TRIM66: variants seen among roughly 807,000 people sequenced by gnomAD.
The protein encoded by TRIM66 is tripartite motif-containing protein 66.
TRIM66 carries 99 observed loss-of-function variants against 148.2 expected under a neutral mutation model. The observed-to-expected ratio is 0.67, with a 90% CI of 0.57 to 0.79. TRIM66 has a LOEUF of 0.79. Ranked by LOEUF, TRIM66 falls within the 30% of genes least tolerant of loss-of-function variation. The probability of loss-of-function intolerance (pLI) is 0.00; values close to 1 mark genes in which losing one functional copy is unlikely to be tolerated. For missense variants in TRIM66, 1,666 were observed against 1,697.9 expected (o/e 0.98, Z 0.33); for synonymous variants, 616 against 635.9 (o/e 0.97, Z 0.47).
At chr11:8,662,636 A>C (rs2038338207) in intron 6 of TRIM66, among the ~76,000 whole-genome samples, 1 of 152,234 alleles carries the variant, frequency 6.6e-6, no homozygotes, top group African/African-American at 2.4e-5. Context: ...TTCCAGCTAC[A>C]TCCTCAACTT....
At chr11:8,664,241 AATAC>A (rs2038444660) in intron 6 of TRIM66, among the ~76,000 whole-genome samples, 1 of 152,232 alleles carries the variant, frequency 6.6e-6, no homozygotes, top group African/African-American at 2.4e-5. Context: ...GTACACTGTA[AATAC>A]ATACAGTTTT....
At chr11:8,667,562 TAAC>T (rs1379294751) in intron 6 of TRIM66, among the ~76,000 whole-genome samples, 1 of 152,164 alleles carries the variant, frequency 6.6e-6, no homozygotes, top group African/African-American at 2.4e-5. Context: ...ACCCATCAAA[TAAC>T]AACTCACCAT....
chr11:8,649,631 A>T (rs2037177092), intron 8 of TRIM66, 109 bp downstream of exon 8: 3 of 1,415,498 alleles, frequency 2.1e-6, no homozygotes, highest in Non-Finnish European at 1.9e-6. Flanking sequence ...GACTGTCCCT[A>T]CCTTCTCCCC....
At position 8,621,252 on chromosome 11, in the gene TRIM66, A is replaced by C; in HGVS notation, c.3325T>G (p.Ser1109Ala). Residue 1109 changes from serine to alanine, a missense_variant, in exon 20 of 25, where the codon TCT becomes GCT. By Grantham distance (99) the Ser-to-Ala change is moderately conservative (BLOSUM62 1). Coordinates refer to ENST00000646038, the MANE Select transcript of TRIM66 (RefSeq NM_001388022.1). ...GLEGRKVTVT[S>A]LAGQRPPEVE... Reference sequence around the variant, plus strand: ...TCTGGTGGCCGCTGCCCAGCCAAAGAAGTGACAGTGACCTTTCTTCCCTCC... The same window carrying C: ...TCTGGTGGCCGCTGCCCAGCCAAAGCAGTGACAGTGACCTTTCTTCCCTCC... The C allele has an allele frequency of 6.4e-7, 1 of 1,551,682 alleles. No individual in the cohort carries two copies. The highest frequency in any genetic ancestry group is 8.7e-7 in the Non-Finnish European group (1 of 1,146,982).
chr11:8,623,025 T>C (rs1395697934), intron 17 of TRIM66, 149 bp from the exon 18 acceptor site: 8 of 668,164 alleles, frequency 1.2e-5, no homozygotes, highest in Admixed American at 5.4e-5. Context: ...TCATACATAG[T>C]GGTGACAAGT....
chr11:8,673,817 A>G (rs1302424099), intron 4 of TRIM66, among the ~76,000 whole-genome samples: 1 of 152,252 alleles, frequency 6.6e-6, no homozygotes, highest in Non-Finnish European at 1.5e-5. Context: ...TTAAGAAACA[A>G]AATACAAATC....
At chr11:8,628,325 G>C (rs1372823139) in intron 15 of TRIM66, among the ~76,000 whole-genome samples, 1 of 151,886 alleles carries the variant, frequency 6.6e-6, no homozygotes, top group Non-Finnish European at 1.5e-5. Context: ...TTTAGATCCA[G>C]ATCTTGGTTG....
rs1380502857 is a variant in TRIM66 at position 8,620,096 on chromosome 11, C to T, written c.3701G>A (p.Cys1234Tyr). The T allele has an allele frequency of 8.4e-6, 13 of 1,551,716 alleles. No individual in the cohort carries two copies. Among genetic ancestry groups the T allele is most frequent in the Non-Finnish European group, 1.1e-5 (13 of 1,146,990 alleles). The change falls in exon 22 of 25, where the codon TGC (cysteine) becomes TAC (tyrosine). Residue 1234 changes from cysteine (C) to tyrosine (Y), a missense_variant. This residue lies in a region of TRIM66 where 204 missense variants were observed against 231.0 expected (regional missense o/e 0.88). Transcript: ENST00000646038. ...KKCEKLVLSL[C>Y]CNNLSLPFHE... Reference sequence around the variant, plus strand: ...GAAGGGCAGGCTGAGGTTATTGCAGCACAAGGACAATACCAGCTTCTCACA... The same window carrying T: ...GAAGGGCAGGCTGAGGTTATTGCAGTACAAGGACAATACCAGCTTCTCACA...
At chr11:8,673,145 G>A (rs940327991) in intron 4 of TRIM66, among the ~76,000 whole-genome samples, 1 of 144,082 alleles carries the variant, frequency 6.9e-6, no homozygotes, top group Admixed American at 7.0e-5. Context: ...TTTCACCGTG[G>A]TCTCGATCTC....
At chr11:8,643,410 G>C (rs1225215329) in intron 12 of TRIM66, among the ~76,000 whole-genome samples, 1 of 150,948 alleles carries the variant, frequency 6.6e-6, no homozygotes, top group Non-Finnish European at 1.5e-5. Context: ...CGCGATCTTA[G>C]CTCACTGCAA....
intron 1 of TRIM66, chr11:8,680,724 A>G (rs1277603472): frequency 6.6e-6 from 1 of 152,162 alleles, no homozygotes; most frequent in Non-Finnish European, 1.5e-5. Flanking sequence ...GAGCTCAGCA[A>G]TAAGGATGTG....
chr11:8,623,915 C>T (rs1176667017), intron 17 of TRIM66, among the ~76,000 whole-genome samples: 2 of 152,096 alleles, frequency 1.3e-5, no homozygotes, highest in East Asian at 1.9e-4. Context: ...TGCGATTGGC[C>T]CCATTTAGAG....
At chr11:8,622,365 C>CACACACACACACACACACACATATAT in intron 18 of TRIM66, among the ~76,000 whole-genome samples, 5 of 59,574 alleles carry the variant, frequency 8.4e-5, no homozygotes, top group African/African-American at 2.8e-4. Context: ...CACACACACA[C>CACACACACACACACACACACATATAT]ATATATATAT....
chr11:8,647,284 T>C (rs2036950768), intron 10 of TRIM66, among the ~76,000 whole-genome samples: 1 of 152,178 alleles, frequency 6.6e-6, no homozygotes, highest in South Asian at 2.1e-4. Context: ...TCAGTAAAGC[T>C]ATTTTTAAAA....
chr11:8,646,612 G>A, intron 10 of TRIM66, 51 bp from the exon 11 acceptor site: 1 of 1,427,770 alleles, frequency 7.0e-7, no homozygotes, highest in Non-Finnish European at 9.7e-7. Context: ...TGGACTATAT[G>A]AAGACGAAGA....
chr11:8,652,142 C>T (rs965799703), intron 6 of TRIM66, among the ~76,000 whole-genome samples: 3 of 152,162 alleles, frequency 2.0e-5, no homozygotes, highest in African/African-American at 7.2e-5. Context: ...TTTACCTGGT[C>T]CTACCTTCCT....
chr11:8,648,754 T>C (rs2037087809), intron 8 of TRIM66, among the ~76,000 whole-genome samples: 1 of 152,150 alleles, frequency 6.6e-6, no homozygotes, highest in Admixed American at 6.5e-5. Flanking sequence ...TGTCCAGAAA[T>C]AGCACACCAT....
intron 15 of TRIM66, among the ~76,000 whole-genome samples, chr11:8,627,433 A>C (rs1177146560): frequency 1.3e-5 from 2 of 152,208 alleles, no homozygotes; most frequent in Non-Finnish European, 2.9e-5. Context: ...AATGTTTTAC[A>C]TATATTACTT....
At chr11:8,655,136 A>C (rs2037711068) in intron 6 of TRIM66, among the ~76,000 whole-genome samples, 1 of 152,200 alleles carries the variant, frequency 6.6e-6, no homozygotes, top group South Asian at 2.1e-4. Flanking sequence ...CTGGGATTAC[A>C]GGCATGAGCC....
Sources: allele counts gnomAD v4.1 joint callset (sites outside exome capture counted in the v4.1 genomes callset), GRCh38; gene constraint gnomAD v4.1.1; regional missense constraint gnomAD v4.1.1; transcripts MANE v1.5; gene names NCBI Gene and HGNC (gene_info 2026-07-23, HGNC 2026-07-21).